Variants in NCOA1 observed in about 807,000 individuals in gnomAD.
NCOA1 encodes the protein Hin-2 protein.
Under a neutral mutation model 150.9 loss-of-function variants are expected in NCOA1, and 35 were observed. That is an observed-to-expected ratio of 0.23 (90% CI 0.18 to 0.31). The LOEUF is 0.31. NCOA1 is among the 10% of genes least tolerant of loss of function. NCOA1 has a pLI of 1.00. For synonymous variants in NCOA1, 590 were observed against 630.0 expected (o/e 0.94, Z 0.95); for missense variants, 1,491 against 1,749.3 (o/e 0.85, Z 2.63).
At chr2:24,751,923 T>C in intron 19 of NCOA1, 59 bp from the exon 20 acceptor site, 2 of 1,469,244 alleles carry the variant, frequency 1.4e-6, no homozygotes, top group South Asian at 1.3e-5. Context: ...GGTTTTTTCA[T>C]TTATGGGGTT....
intron 2 of NCOA1, among the ~76,000 whole-genome samples, chr2:24,583,530 A>G (rs934042726): frequency 2.6e-5 from 4 of 152,180 alleles, no homozygotes; most frequent in African/African-American, 7.2e-5. Flanking sequence ...TGTTTCAGCA[A>G]TCCCACTACT....
chr2:24,610,762 T>C (rs2148383407), intron 3 of NCOA1, among the ~76,000 whole-genome samples: 1 of 150,608 alleles, frequency 6.6e-6, no homozygotes, highest in East Asian at 2.0e-4. Flanking sequence ...CTTGTATTTA[T>C]TGTGGTTTTT....
At chr2:24,767,639 A>G (rs1665136503) in intron 22 of NCOA1, 1 of 154,810 alleles carries the variant, frequency 6.5e-6, no homozygotes, top group Non-Finnish European at 1.4e-5. Context: ...AAATTGTTCT[A>G]ATGATAATTT....
intron 4 of NCOA1, among the ~76,000 whole-genome samples, chr2:24,654,826 G>A (rs1047250491): frequency 6.6e-6 from 1 of 151,608 alleles, no homozygotes; most frequent in Non-Finnish European, 1.5e-5. Context: ...CTGCTTTAAG[G>A]TCCTTCTACC....
intron 10 of NCOA1, among the ~76,000 whole-genome samples, chr2:24,697,070 T>C (rs188011060): frequency 3.5e-4 from 53 of 152,236 alleles, no homozygotes; most frequent in Admixed American, 9.8e-4. Flanking sequence ...GAATCACCAC[T>C]AAATTTTATA....
intron 10 of NCOA1, among the ~76,000 whole-genome samples, chr2:24,694,827 A>AT (rs942189263): frequency 1.3e-4 from 19 of 151,584 alleles, no homozygotes; most frequent in African/African-American, 3.9e-4. Context: ...TTTTTTTAAA[A>AT]TTTTTTTTTA....
chr2:24,608,864 A>G (rs1668498531), intron 3 of NCOA1, among the ~76,000 whole-genome samples: 1 of 151,952 alleles, frequency 6.6e-6, no homozygotes, highest in Non-Finnish European at 1.5e-5. Context: ...CTTGAGGAGT[A>G]CTGGCCAGAT....
chr2:24,620,269 T>C (rs534291400), intron 3 of NCOA1, among the ~76,000 whole-genome samples: 15 of 152,352 alleles, frequency 9.8e-5, no homozygotes, highest in Middle Eastern at 3.4e-3. Context: ...ATTTGGTTTG[T>C]TCAGCTTTTA....
chr2:24,512,957 G>A (rs1037612360), intron 1 of NCOA1, among the ~76,000 whole-genome samples: 1 of 152,120 alleles, frequency 6.6e-6, no homozygotes, highest in Non-Finnish European at 1.5e-5. Context: ...GAAATGATTT[G>A]TGTGTGTGGG....
At chr2:24,638,565 T>C (rs1426305814) in intron 3 of NCOA1, among the ~76,000 whole-genome samples, 4 of 152,174 alleles carry the variant, frequency 2.6e-5, no homozygotes, top group Admixed American at 2.0e-4. Flanking sequence ...GGAACCTCCA[T>C]ACTGTTCTCC....
intron 2 of NCOA1, among the ~76,000 whole-genome samples, chr2:24,577,977 T>C (rs904207072): frequency 6.6e-6 from 1 of 152,158 alleles, no homozygotes; most frequent in Non-Finnish European, 1.5e-5. Flanking sequence ...GTGGTCATGG[T>C]TGGATTGACA....
At chr2:24,705,370 A>C in intron 12 of NCOA1, 137 bp downstream of exon 12, 1 of 762,846 alleles carries the variant, frequency 1.3e-6, no homozygotes, top group Non-Finnish European at 2.1e-6. Flanking sequence ...AGTATATATA[A>C]TCAATATATC....
At position 24,673,602 on chromosome 2, in the gene NCOA1, G is replaced by A. The variant is rs1022414191; in HGVS notation, c.354+139G>A. ...ACTTTTTATAATTATTTTATTATGA[G>A]AACTATTTGACAGTTGTTACTGTTT... is the stretch of plus-strand genomic sequence containing the variant. On this transcript the variant is annotated intron_variant, in intron 7 of 22. Coordinates refer to ENST00000348332, the MANE Select transcript of NCOA1 (RefSeq NM_003743.5). The A allele has an allele frequency of 9.9e-5, 52 of 523,264 alleles. 1 individual carries two copies. Among genetic ancestry groups the A allele is most frequent in the African/African-American group, 9.8e-4 (48 of 49,230 alleles). 32.4% of individuals were successfully genotyped at this position (523,264 alleles called of 1,614,324 possible).
rs187675372 is a variant in NCOA1, at chr2:24,686,058, A to G, written c.532+2930A>G. Among the ~76,000 whole-genome samples, 330 of 152,174 alleles carry G rather than the reference A, an allele frequency of 2.2e-3. 1 individual carries two copies. The highest frequency in any genetic ancestry group is 3.6e-3 in the Non-Finnish European group (248 of 67,998). ...CTCTTGTCACCCAGGCTGGAGTGCG[A>G]TGGCATGATCTCAGCTCACTGCAAC... On this transcript the variant is annotated intron_variant, in intron 8 of 22. Transcript: ENST00000348332.
intron 6 of NCOA1, among the ~76,000 whole-genome samples, chr2:24,673,104 T>G (rs1390587305): frequency 6.6e-6 from 1 of 152,260 alleles, no homozygotes; most frequent in Non-Finnish European, 1.5e-5. Flanking sequence ...ATTTTTCTCA[T>G]TGTTGAAACA....
intron 3 of NCOA1, among the ~76,000 whole-genome samples, chr2:24,600,682 C>T (rs1668074344): frequency 6.6e-6 from 1 of 152,218 alleles, no homozygotes; most frequent in Non-Finnish European, 1.5e-5. Flanking sequence ...AGCCTACATC[C>T]TCTTGCTTTC....
At chr2:24,761,768 T>G (rs879332163) in intron 21 of NCOA1, among the ~76,000 whole-genome samples, 1 of 152,212 alleles carries the variant, frequency 6.6e-6, no homozygotes, top group Non-Finnish European at 1.5e-5. Flanking sequence ...GATCCTTGCT[T>G]TTTTGTTTAC....
intron 22 of NCOA1, among the ~76,000 whole-genome samples, chr2:24,764,848 G>A (rs1345899427): frequency 6.6e-6 from 1 of 152,152 alleles, no homozygotes; most frequent in Non-Finnish European, 1.5e-5. Flanking sequence ...TTAGAAGACT[G>A]GGTTCACAGT....
intron 22 of NCOA1, among the ~76,000 whole-genome samples, chr2:24,767,175 T>A (rs1558352169): frequency 2.0e-5 from 3 of 152,230 alleles, no homozygotes; most frequent in South Asian, 4.1e-4. Flanking sequence ...TTTACTCGAT[T>A]AGGATAGAAA....
Sources: gnomAD v4.1 joint callset for allele counts (sites outside exome capture counted in the v4.1 genomes callset) on GRCh38, gnomAD v4.1.1 for gene constraint, MANE v1.5 for transcripts, NCBI Gene and HGNC (gene_info 2026-07-23, HGNC 2026-07-21) for gene names.